Variants in CHSY1 observed in about 807,000 individuals in gnomAD.
CHSY1 encodes N-acetylgalactosaminyl-proteoglycan 3-beta-glucuronosyltransferase 1.
A neutral mutation model predicts 59.8 loss-of-function variants in CHSY1; 13 were observed. That is an observed-to-expected ratio of 0.22 (90% confidence interval 0.14 to 0.35). CHSY1 has a LOEUF of 0.35. Ranked by LOEUF, CHSY1 falls within the 10% of genes least tolerant of loss-of-function variation. The probability of loss-of-function intolerance (pLI) is 1.00; values close to 1 mark genes in which losing one functional copy is unlikely to be tolerated. For missense variants in CHSY1, 947 were observed against 1,030.6 expected (o/e 0.92, Z 1.11); for synonymous variants, 459 against 401.2 (o/e 1.14, Z -1.72).
chr15:101,235,597 CAGTT>C lies in CHSY1; in HGVS notation c.321-24_321-21del, dbSNP rs1383419674. 2 of 1,601,952 alleles carry C rather than the reference CAGTT, an allele frequency of 1.2e-6. No homozygotes were observed. Among genetic ancestry groups the C allele is most frequent in the East Asian group, 4.5e-5 (2 of 44,874 alleles). On this transcript the variant is annotated intron_variant, in intron 1 of 2. Transcript: ENST00000254190. ...CATGTTCTGGAATTAAAATAAATAT[CAGTT>C]AGAGAACAGTTTATTCCAAGCTGAT... is the stretch of plus-strand genomic sequence containing the variant.
At chr15:101,228,507 G>C (rs1467920960) in intron 2 of CHSY1, among the ~76,000 whole-genome samples, 2 of 151,942 alleles carry the variant, frequency 1.3e-5, no homozygotes, top group Admixed American at 1.3e-4. Context: ...TCCTCAATAA[G>C]ATTAACAACT....
intron 1 of CHSY1, among the ~76,000 whole-genome samples, chr15:101,248,952 AAT>A (rs1491273196): frequency 7.8e-6 from 1 of 128,524 alleles, no homozygotes; most frequent in Non-Finnish European, 1.6e-5. Context: ...AAGCCTGGCT[AAT>A]TTTTTTTTTT....
Position 101,235,576 on chromosome 15 carries a change from T to A in CHSY1, c.322A>T (p.Thr108Ser). 1 of 1,607,868 alleles carries A rather than the reference T, an allele frequency of 6.2e-7. No individual in the cohort carries two copies. Among genetic ancestry groups the A allele is most frequent in the South Asian group, 1.1e-5 (1 of 91,082 alleles). The change falls in exon 2 of 3, where the codon ACA (threonine) becomes TCA (serine). Residue 108 changes from threonine (T) to serine (S), a missense_variant and splice_region_variant. Thr to Ser is a moderately conservative substitution (Grantham distance 58). This residue lies in a region of CHSY1 where 232 missense variants were observed against 188.5 expected (regional missense o/e 1.23). Coordinates refer to ENST00000254190, the MANE Select transcript of CHSY1 (RefSeq NM_014918.5). Reference sequence around the variant, plus strand: ...TTCCCAGGAATTGTCTTGGACCATGTTCTGGAATTAAAATAAATATCAGTT... The same window carrying A: ...TTCCCAGGAATTGTCTTGGACCATGATCTGGAATTAAAATAAATATCAGTT... Reference protein sequence around the residue: ...LQTRAVAAYRTWSKTIPGKVQ... With the variant: ...LQTRAVAAYRSWSKTIPGKVQ...
At chr15:101,209,937 T>C (rs1178723275) in intron 2 of CHSY1, among the ~76,000 whole-genome samples, 2 of 152,350 alleles carry the variant, frequency 1.3e-5, no homozygotes, top group East Asian at 3.9e-4. Flanking sequence ...GTGCCTTAAA[T>C]TTTGTAATGA....
At chr15:101,199,226 G>A (rs191548502) in intron 2 of CHSY1, among the ~76,000 whole-genome samples, 42 of 152,274 alleles carry the variant, frequency 2.8e-4, no homozygotes, top group South Asian at 1.2e-3. Flanking sequence ...CACTGCGGCC[G>A]GGCGCAGTGG....
chr15:101,230,047 T>C (rs1362968127), intron 2 of CHSY1, among the ~76,000 whole-genome samples: 1 of 151,550 alleles, frequency 6.6e-6, no homozygotes, highest in Non-Finnish European at 1.5e-5. Context: ...GTTCAAGTGA[T>C]TCTCCTGCCT....
intron 2 of CHSY1, among the ~76,000 whole-genome samples, chr15:101,225,686 A>C (rs2038834437): frequency 6.6e-6 from 1 of 152,174 alleles, no homozygotes; most frequent in Non-Finnish European, 1.5e-5. Context: ...AGCTCCCTGA[A>C]GCCTCCCAGA....
intron 2 of CHSY1, among the ~76,000 whole-genome samples, chr15:101,233,543 A>C (rs536559849): frequency 5.4e-4 from 83 of 152,330 alleles, no homozygotes; most frequent in African/African-American, 1.9e-3. Flanking sequence ...ATTCTGCTTA[A>C]AACAGCGTGA....
chr15:101,192,929 A>G (rs1475998136), intron 2 of CHSY1, among the ~76,000 whole-genome samples: 1 of 151,900 alleles, frequency 6.6e-6, no homozygotes, highest in East Asian at 1.9e-4. Context: ...GCTTATTACC[A>G]CTCCTCTCCC....
intron 1 of CHSY1, among the ~76,000 whole-genome samples, chr15:101,245,806 G>T (rs977625045): frequency 2.0e-5 from 3 of 152,160 alleles, no homozygotes; most frequent in Non-Finnish European, 2.9e-5. Context: ...GGAAATTCAC[G>T]ATCTGAAATG....
At chr15:101,209,757 G>A (rs191947379) in intron 2 of CHSY1, among the ~76,000 whole-genome samples, 3 of 152,314 alleles carry the variant, frequency 2.0e-5, no homozygotes, top group African/African-American at 7.2e-5. Context: ...TGTTCCAACA[G>A]ACAGGTATTT....
intron 1 of CHSY1, among the ~76,000 whole-genome samples, chr15:101,238,623 T>C (rs973338972): frequency 2.6e-5 from 4 of 152,234 alleles, no homozygotes; most frequent in Non-Finnish European, 4.4e-5. Flanking sequence ...ATTTCTGAGA[T>C]GTCAAAATCA....
At chr15:101,210,562 C>T (rs1252538468) in intron 2 of CHSY1, among the ~76,000 whole-genome samples, 3 of 151,930 alleles carry the variant, frequency 2.0e-5, no homozygotes, top group South Asian at 2.1e-4. Flanking sequence ...AAGAAGACTG[C>T]GAAATGGAGG....
chr15:101,193,586 T>C (rs1381644057), intron 2 of CHSY1, among the ~76,000 whole-genome samples: 1 of 152,202 alleles, frequency 6.6e-6, no homozygotes, highest in Non-Finnish European at 1.5e-5. Context: ...TGCATGCACA[T>C]GTGCGTATTT....
intron 2 of CHSY1, among the ~76,000 whole-genome samples, chr15:101,201,436 G>A (rs2038573401): frequency 6.6e-6 from 1 of 152,222 alleles, no homozygotes; most frequent in Non-Finnish European, 1.5e-5. Context: ...AGGCTCACAT[G>A]AGAAAGATGC....
intron 1 of CHSY1, among the ~76,000 whole-genome samples, chr15:101,248,369 C>CA (rs2039071683): frequency 6.6e-6 from 1 of 152,198 alleles, no homozygotes; most frequent in Non-Finnish European, 1.5e-5. Context: ...CTCCTGCAGT[C>CA]AGTCTAAACA....
At chr15:101,210,763 C>T (rs1005455858) in intron 2 of CHSY1, among the ~76,000 whole-genome samples, 1 of 152,116 alleles carries the variant, frequency 6.6e-6, no homozygotes, top group Non-Finnish European at 1.5e-5. Context: ...GTAATCATAT[C>T]CAAAGACATT....
Position 101,247,163 on chromosome 15 carries a change from G to A in CHSY1, c.320+3974C>T, listed in dbSNP as rs145938048. Among the ~76,000 whole-genome samples, 84 of 152,208 alleles carry A rather than the reference G, an allele frequency of 5.5e-4. 1 individual carries two copies. Among genetic ancestry groups the A allele is most frequent in the African/African-American group, 1.9e-3 (79 of 41,524 alleles). On this transcript the variant is annotated intron_variant, in intron 1 of 2. Coordinates refer to ENST00000254190, the MANE Select transcript of CHSY1 (RefSeq NM_014918.5). ...AAACTTTACAAGACTGGACACTAGC[G>A]AGCCCCTTCTTGGGGCTCTTCTTTT...
At chr15:101,198,252 G>A (rs2038530549) in intron 2 of CHSY1, among the ~76,000 whole-genome samples, 1 of 152,256 alleles carries the variant, frequency 6.6e-6, no homozygotes, top group African/African-American at 2.4e-5. Flanking sequence ...ACTGACCGGT[G>A]AAGGACAATG....
Sources: gnomAD v4.1 joint callset for allele counts (sites outside exome capture counted in the v4.1 genomes callset) on GRCh38, gnomAD v4.1.1 for gene constraint, gnomAD v4.1.1 regional missense constraint, MANE v1.5 for transcripts, NCBI Gene and HGNC (gene_info 2026-07-23, HGNC 2026-07-21) for gene names.